Variants in C8orf34 observed in about 807,000 individuals in gnomAD.
C8orf34 encodes chromosome 8 open reading frame 34, also known as uncharacterized protein C8orf34.
Under a neutral mutation model 68.3 loss-of-function variants are expected in C8orf34, and 65 were observed. That is an observed-to-expected ratio of 0.95 (90% CI 0.78 to 1.17). The LOEUF (loss-of-function observed/expected upper bound fraction) is 1.17. Ranked by LOEUF, C8orf34 falls within the 50% of genes most tolerant of loss-of-function variation. C8orf34 has a pLI of 0.00. For missense variants in C8orf34, 664 were observed against 655.4 expected, an observed-to-expected ratio of 1.01 and a Z score of -0.14; for synonymous variants, 244 against 241.2, an observed-to-expected ratio of 1.01 and a Z score of -0.11.
At chr8:68,397,645 C>T (rs1430429149) in intron 1 of C8orf34, among the ~76,000 whole-genome samples, 10 of 152,190 alleles carry the variant, frequency 6.6e-5, no homozygotes, top group Non-Finnish European at 2.9e-5. Context: ...TGACTATATC[C>T]TTGTGCATTT....
At chr8:68,623,041 A>G (rs1417874231) in intron 7 of C8orf34, among the ~76,000 whole-genome samples, 2 of 152,204 alleles carry the variant, frequency 1.3e-5, no homozygotes, top group African/African-American at 4.8e-5. Flanking sequence ...TGAACAGGTT[A>G]TTGTGTTATG....
At position 68,340,539 on chromosome 8, in the gene C8orf34, A is replaced by G. The variant is rs75530034; in HGVS notation, c.327+9200A>G. 7.9e-3 allele frequency among the ~76,000 whole-genome samples: 1,197 copies of G among 152,282 alleles called. 18 individuals carry two copies. Among genetic ancestry groups the G allele is most frequent in the African/African-American group, 0.026 (1,101 of 41,562 alleles). ...TGCAGACATCAAAAGAATAATAAGG[A>G]AATACTAGGGATGACTCTATGCACA... On this transcript the variant is annotated intron_variant, in intron 1 of 13. Coordinates refer to ENST00000518698, the MANE Select transcript of C8orf34 (RefSeq NM_052958.4).
At chr8:68,626,351 C>G (rs184695701) in intron 7 of C8orf34, among the ~76,000 whole-genome samples, 1 of 152,116 alleles carries the variant, frequency 6.6e-6, no homozygotes, top group Non-Finnish European at 1.5e-5. Context: ...GAACTGAAAT[C>G]CACTAATATG....
At chr8:68,623,957 C>T (rs749886512) in intron 7 of C8orf34, among the ~76,000 whole-genome samples, 3 of 152,104 alleles carry the variant, frequency 2.0e-5, no homozygotes, top group Non-Finnish European at 2.9e-5. Context: ...AGACACTCAA[C>T]AAATGATATT....
chr8:68,413,655 A>G (rs1043635438), intron 1 of C8orf34, among the ~76,000 whole-genome samples: 1 of 152,166 alleles, frequency 6.6e-6, no homozygotes, highest in Non-Finnish European at 1.5e-5. Flanking sequence ...AGGTGGTGTC[A>G]TTCTTTAGCT....
rs373456346 is a variant in C8orf34 at position 68,815,896 on chromosome 8, T to C, written c.1560T>C (p.Asp520=). 2.3e-5 allele frequency: 37 copies of C among 1,613,788 alleles called. No homozygotes were observed. Among genetic ancestry groups the C allele is most frequent in the Middle Eastern group, 1.7e-4 (1 of 6,060 alleles). ...TCTTTTGTTGTGCAGGTTCCGCTGA[T>C]CTTCTTCTTTGCGTTCCATGCTCTT... ...VEAEQEKRSA[D]LLLCVPCSSC... is the part of the protein sequence containing the mutation. Residue 520 remains aspartate (D), a synonymous_variant, in exon 13 of 14, where the codon GAT becomes GAC. Transcript: ENST00000518698.
intron 8 of C8orf34, among the ~76,000 whole-genome samples, chr8:68,656,445 C>T (rs1011550648): frequency 6.6e-5 from 10 of 152,218 alleles, no homozygotes; most frequent in South Asian, 6.2e-4. Flanking sequence ...TAATAAATGG[C>T]TGAGGTAGGC....
At chr8:68,530,129 G>GA (rs1210296332) in intron 6 of C8orf34, among the ~76,000 whole-genome samples, 13 of 151,934 alleles carry the variant, frequency 8.6e-5, no homozygotes, top group Admixed American at 8.5e-4. Context: ...AGTTATGAAG[G>GA]AAAATTTAAT....
chr8:68,468,374 G>A (rs2676638), intron 3 of C8orf34, among the ~76,000 whole-genome samples: 11,449 of 151,902 alleles, frequency 0.075, 480 homozygotes, highest in Middle Eastern at 0.099. Context: ...GCTTTTTTTA[G>A]GCTGATGACA....
intron 10 of C8orf34, among the ~76,000 whole-genome samples, chr8:68,734,907 G>T (rs1822081518): frequency 6.6e-6 from 1 of 152,164 alleles, no homozygotes; most frequent in Admixed American, 6.5e-5. Flanking sequence ...AATTGTGAAT[G>T]GCCCACAGCT....
intron 7 of C8orf34, among the ~76,000 whole-genome samples, chr8:68,631,993 C>CT (rs1818703701): frequency 6.6e-6 from 1 of 152,102 alleles, no homozygotes; most frequent in Non-Finnish European, 1.5e-5. Context: ...GAGGTACTGC[C>CT]TAAAGATACC....
chr8:68,799,999 CAT>C (rs965157844), intron 12 of C8orf34, among the ~76,000 whole-genome samples: 1 of 152,082 alleles, frequency 6.6e-6, no homozygotes, highest in African/African-American at 2.4e-5. Context: ...GCCCAGGAAA[CAT>C]AGCAATTAAT....
intron 6 of C8orf34, chr8:68,525,616 C>T (rs1814942212): frequency 1.3e-6 from 1 of 798,302 alleles, no homozygotes; most frequent in Non-Finnish European, 2.2e-6. Flanking sequence ...TGAAACCGAA[C>T]TGGTCAGATG....
At chr8:68,401,336 C>T (rs1180793147) in intron 1 of C8orf34, among the ~76,000 whole-genome samples, 27 of 152,248 alleles carry the variant, frequency 1.8e-4, no homozygotes, top group South Asian at 1.7e-3. Flanking sequence ...AATAATTTGA[C>T]TTCCTCATTT....
chr8:68,474,284 G>C (rs1274775015), intron 4 of C8orf34, among the ~76,000 whole-genome samples: 3 of 152,118 alleles, frequency 2.0e-5, no homozygotes, highest in Non-Finnish European at 4.4e-5. Flanking sequence ...TGCATGCTGT[G>C]TGTTAGGTGG....
At chr8:68,481,573 C>A (rs1379565439) in intron 4 of C8orf34, among the ~76,000 whole-genome samples, 1 of 152,236 alleles carries the variant, frequency 6.6e-6, no homozygotes, top group Non-Finnish European at 1.5e-5. Context: ...TACAAAGCCA[C>A]AGGGGCGGGG....
chr8:68,496,248 A>G (rs752979730), intron 5 of C8orf34, among the ~76,000 whole-genome samples: 1 of 152,222 alleles, frequency 6.6e-6, no homozygotes, highest in Non-Finnish European at 1.5e-5. Flanking sequence ...TGTATTTATC[A>G]AGCACGTAGT....
At chr8:68,358,453 C>G (rs1563374382) in intron 1 of C8orf34, among the ~76,000 whole-genome samples, 1 of 151,516 alleles carries the variant, frequency 6.6e-6, no homozygotes, top group African/African-American at 2.4e-5. Context: ...ACAGATGACT[C>G]AATCCCAATA....
At chr8:68,646,183 T>G (rs1819166590) in intron 8 of C8orf34, among the ~76,000 whole-genome samples, 1 of 152,164 alleles carries the variant, frequency 6.6e-6, no homozygotes, top group African/African-American at 2.4e-5. Context: ...GCACATCTTT[T>G]GACCCCTACT....
Sources: allele counts gnomAD v4.1 joint callset (sites outside exome capture counted in the v4.1 genomes callset), GRCh38; gene constraint gnomAD v4.1.1; transcripts MANE v1.5; gene names NCBI Gene and HGNC (gene_info 2026-07-23, HGNC 2026-07-21).